Variants in CLEC7A observed in about 807,000 individuals in gnomAD.
CLEC7A encodes the protein C-type lectin domain containing 7A.
Under a neutral mutation model 26.9 loss-of-function variants are expected in CLEC7A, and 25 were observed. The ratio of observed to expected loss-of-function variants is 0.93; its 90% CI spans 0.68 to 1.30. The LOEUF is 1.30. Ranked by LOEUF, CLEC7A falls within the 50% of genes most tolerant of loss-of-function variation. CLEC7A has a pLI of 0.00. For missense variants in CLEC7A, 275 were observed against 286.7 expected, an observed-to-expected ratio of 0.96 and a Z score of 0.29; for synonymous variants, 100 against 99.5, an observed-to-expected ratio of 1.01 and a Z score of -0.03.
chr12:10,120,594 CTTT>C (rs747550159), intron 5 of CLEC7A, among the ~76,000 whole-genome samples: 2 of 141,234 alleles, frequency 1.4e-5, no homozygotes, highest in Non-Finnish European at 1.6e-5. Flanking sequence ...ATTTTTATAT[CTTT>C]TTTTTTTTTT....
intron 5 of CLEC7A, among the ~76,000 whole-genome samples, chr12:10,121,021 A>G (rs1948068607): frequency 6.7e-6 from 1 of 149,856 alleles, no homozygotes; most frequent in Non-Finnish European, 1.5e-5. Flanking sequence ...GCCCCACTGC[A>G]CTCCAGCCTG....
upstream of CLEC7A, chr12:10,130,253 G>A: frequency 6.3e-6 from 3 of 473,530 alleles, no homozygotes; most frequent in South Asian, 9.9e-5. Flanking sequence ...TTCAAGAGCA[G>A]GAAATGAAAC....
chr12:10,120,531 C>T (rs1203837014), intron 5 of CLEC7A, among the ~76,000 whole-genome samples: 1 of 150,204 alleles, frequency 6.7e-6, no homozygotes, highest in Non-Finnish European at 1.5e-5. Flanking sequence ...AATATGTGGG[C>T]AAATTGAAAT....
chr12:10,126,082 C>T (rs1165930818), intron 3 of CLEC7A: 3 of 640,602 alleles, frequency 4.7e-6, no homozygotes, highest in Non-Finnish European at 3.9e-6. Flanking sequence ...GATGAGTTTT[C>T]AGGGACATGT....
In CLEC7A at chr12:10,122,674, G is replaced by T. The variant is rs1948132198; in HGVS notation, c.611+571C>A. On this transcript the variant is annotated intron_variant, in intron 5 of 5. Transcript: ENST00000304084. ...CACCACACCCGGCTAAATTTTTAGT[G>T]GAGGTGGGGTTTCACCATGTTGGTC... Among the ~76,000 whole-genome samples, 3 of 151,638 alleles carry T rather than the reference G, an allele frequency of 2.0e-5. No homozygotes were observed. In the South Asian group the frequency reaches 6.3e-4, roughly 32 times the overall value.
chr12:10,128,956 A>C (rs1948400782), intron 1 of CLEC7A, among the ~76,000 whole-genome samples: 2 of 152,356 alleles, frequency 1.3e-5, no homozygotes, highest in Admixed American at 1.3e-4. Context: ...TTTTGTATGA[A>C]CATTGCCATA....
chr12:10,125,270 A>G, intron 4 of CLEC7A, 27 bp downstream of exon 4: 1 of 1,603,200 alleles, frequency 6.2e-7, no homozygotes, highest in Non-Finnish European at 8.5e-7. Flanking sequence ...CACACCACAG[A>G]TAATCATAAC....
rs1255192342 is a variant in CLEC7A at position 10,128,925 on chromosome 12, T to C, written c.103+1055A>G. On this transcript the variant is annotated intron_variant, in intron 1 of 5. Coordinates refer to ENST00000304084, the MANE Select transcript of CLEC7A (RefSeq NM_197947.3). The stretch of plus-strand genomic sequence containing the variant: ...AAAACCGACAAATGATCTCTCTCTC[T>C]CAAAGATAATAGGGAACTAATTTTG... 4.6e-5 allele frequency among the ~76,000 whole-genome samples: 7 copies of C among 152,334 alleles called. No individual in the cohort carries two copies. The East Asian group carries it at 1.3e-3, about 29-fold the overall frequency.
At position 10,127,691 on chromosome 12, in the gene CLEC7A, A is replaced by C. The variant is rs752592390; in HGVS notation, c.202+56T>G. 1.6e-4 allele frequency: 192 copies of C among 1,199,940 alleles called. 1 individual carries two copies. The highest frequency in any genetic ancestry group is 2.2e-4 in the Admixed American group (11 of 50,706). 74.3% of individuals were successfully genotyped at this position (1,199,940 alleles called of 1,614,324 possible). A position where few individuals can be genotyped will look rare whatever the true frequency, so the allele number is the denominator to read the frequency against. On this transcript the variant is annotated intron_variant, in intron 2 of 5. Transcript: ENST00000304084. ...TCAAGCCCTTAAAAGAGTGCCTGGC[A>C]CATAATAATTGCTTACTAAATTGTC...
At chr12:10,125,032 A>G (rs1034070390) in intron 4 of CLEC7A, 16 of 426,868 alleles carry the variant, frequency 3.7e-5, no homozygotes, top group Non-Finnish European at 5.2e-5. Flanking sequence ...CCTCGTCTCT[A>G]TGAAAAATAC....
In CLEC7A at chr12:10,125,538, A is replaced by G; in HGVS notation, c.341-90T>C. On this transcript the variant is annotated intron_variant, in intron 3 of 5. Transcript: ENST00000304084. ...CCATTCATCTTAAGGACACTTATGAAATAACCAATTAGTTGCCATTTTTAT... is the reference window on the plus strand; with the variant it reads ...CCATTCATCTTAAGGACACTTATGAGATAACCAATTAGTTGCCATTTTTAT... 1.9e-6 allele frequency: 2 copies of G among 1,075,530 alleles called. 1 individual carries two copies. The highest frequency in any genetic ancestry group is 4.0e-5 in the South Asian group (2 of 49,538). 66.6% of individuals were successfully genotyped at this position (1,075,530 alleles called of 1,614,324 possible).
chr12:10,121,488 A>G (rs887252328), intron 5 of CLEC7A, among the ~76,000 whole-genome samples: 6 of 152,218 alleles, frequency 3.9e-5, no homozygotes, highest in Non-Finnish European at 7.3e-5. Flanking sequence ...TAAAAATCAC[A>G]GAACTACAAG....
rs201458154 is a variant in CLEC7A at position 10,118,619 on chromosome 12, T to C, written c.612-29A>G. The C allele has an allele frequency of 7.5e-6, 12 of 1,598,788 alleles. No individual in the cohort carries two copies. The African/African-American group carries it at 1.5e-4, about 20-fold the overall frequency. The stretch of plus-strand genomic sequence containing the variant: ...TTAAAATAGAATACAGTGAGGTAAT[T>C]AGAACAAATGTTAAGGAATACTGTC... On this transcript the variant is annotated intron_variant, in intron 5 of 5. Coordinates refer to ENST00000304084, the MANE Select transcript of CLEC7A (RefSeq NM_197947.3).
chr12:10,128,656 C>T (rs16910631), intron 1 of CLEC7A, among the ~76,000 whole-genome samples: 8,058 of 152,078 alleles, frequency 0.053, 265 homozygotes, highest in Middle Eastern at 0.12. Flanking sequence ...GGGAATTAAA[C>T]GAGCTAACAC....
chr12:10,118,650 G>A (rs2137405406), intron 5 of CLEC7A, 60 bp from the exon 6 acceptor site: 1 of 1,414,184 alleles, frequency 7.1e-7, no homozygotes, highest in Non-Finnish European at 9.8e-7. Flanking sequence ...CTGTCTACAT[G>A]GCGCACAAAT....
At chr12:10,120,819 A>G (rs1948062543) in intron 5 of CLEC7A, among the ~76,000 whole-genome samples, 1 of 142,642 alleles carries the variant, frequency 7.0e-6, no homozygotes, top group Non-Finnish European at 1.5e-5. Flanking sequence ...CAGTGGTGCG[A>G]TCTCGGCTCA....
chr12:10,129,388 C>A (rs557766313), intron 1 of CLEC7A, among the ~76,000 whole-genome samples: 1 of 152,310 alleles, frequency 6.6e-6, no homozygotes, highest in Non-Finnish European at 1.5e-5. Context: ...ACCAATTCCT[C>A]ACTGATGAAA....
rs1442664483 is a variant in CLEC7A at position 10,117,527 on chromosome 12, T to A, written c.*931A>T. ...CCTGGGCAACAAGAGCGAAACTCTG[T>A]CTCAAAAAAAAAAAAAAAAAAAAAG... is the stretch of plus-strand genomic sequence containing the variant. On this transcript the variant is annotated 3_prime_UTR_variant, in exon 6 of 6. Coordinates refer to ENST00000304084, the MANE Select transcript of CLEC7A (RefSeq NM_197947.3). The A allele has an allele frequency of 2.0e-5, 2 of 97,998 alleles. No individual in the cohort carries two copies. Among genetic ancestry groups the A allele is most frequent in the African/African-American group, 6.3e-5 (1 of 15,782 alleles). 6.1% of individuals were successfully genotyped at this position (97,998 alleles called of 1,614,324 possible). A position where few individuals can be genotyped will look rare whatever the true frequency, so the allele number is the denominator to read the frequency against.
At chr12:10,124,122 G>C (rs922498080) in intron 4 of CLEC7A, among the ~76,000 whole-genome samples, 16 of 152,188 alleles carry the variant, frequency 1.1e-4, no homozygotes, top group Non-Finnish European at 2.4e-4. Context: ...TATGTAATCT[G>C]AGGTTCAGTG....
Sources: gnomAD v4.1 joint callset for allele counts (sites outside exome capture counted in the v4.1 genomes callset) on GRCh38, gnomAD v4.1.1 for gene constraint, MANE v1.5 for transcripts, NCBI Gene and HGNC (gene_info 2026-07-23, HGNC 2026-07-21) for gene names.